Variants in SATB1 observed in about 807,000 individuals in gnomAD.
SATB1 encodes SATB homeobox 1, also known as DNA-binding protein SATB1.
In SATB1, 11 loss-of-function variants were observed where a neutral mutation model predicts 86.9. That is an observed-to-expected ratio of 0.13 (90% CI 0.08 to 0.21). The LOEUF (loss-of-function observed/expected upper bound fraction) is 0.21. Ranked by LOEUF, SATB1 falls within the 10% of genes least tolerant of loss-of-function variation. SATB1 has a pLI of 1.00. For missense variants in SATB1, 551 were observed against 937.6 expected, an observed-to-expected ratio of 0.59 and a Z score of 5.39; for synonymous variants, 357 against 357.2, an observed-to-expected ratio of 1.00 and a Z score of 0.01.
chr3:18,391,774 A>AC (rs1431031744), intron 7 of SATB1, among the ~76,000 whole-genome samples: 1 of 152,102 alleles, frequency 6.6e-6, no homozygotes, highest in African/African-American at 2.4e-5. Flanking sequence ...CCACACTCAC[A>AC]CCATACCCTC....
In SATB1 at chr3:18,345,659, T is replaced by A. The variant is rs992927711; in HGVS notation, c.*3511A>T. 6 of 152,162 alleles carry A rather than the reference T, an allele frequency of 3.9e-5. No homozygotes were observed. Among genetic ancestry groups the A allele is most frequent in the African/African-American group, 1.2e-4 (5 of 41,456 alleles). 9.4% of individuals were successfully genotyped at this position (152,162 alleles called of 1,614,324 possible). ...GAAGACTAGTATTGATATTTTCTGA[T>A]ATTTTAGATATGATTAATATTTTGG... On this transcript the variant is annotated 3_prime_UTR_variant, in exon 11 of 11. Transcript: ENST00000338745.
chr3:18,428,411 TC>T (rs1415764537), upstream of SATB1, among the ~76,000 whole-genome samples: 1 of 152,150 alleles, frequency 6.6e-6, no homozygotes, highest in Non-Finnish European at 1.5e-5. Flanking sequence ...AGGCCCCACC[TC>T]TCAGTATTGC....
intron 8 of SATB1, among the ~76,000 whole-genome samples, chr3:18,381,357 T>C (rs79335382): frequency 0.012 from 1,776 of 152,318 alleles, 32 homozygotes; most frequent in African/African-American, 0.041. Flanking sequence ...TAAAGTTATA[T>C]GTAGTTTTAA....
intron 5 of SATB1, chr3:18,408,585 T>TA (rs1277885659): frequency 3.3e-5 from 5 of 151,982 alleles, no homozygotes; most frequent in African/African-American, 1.2e-4. Context: ...AAGGCTCTCT[T>TA]ATGTTTTTCA....
At chr3:18,383,157 A>G (rs1222597879) in intron 8 of SATB1, among the ~76,000 whole-genome samples, 4 of 152,244 alleles carry the variant, frequency 2.6e-5, no homozygotes, top group African/African-American at 4.8e-5. Flanking sequence ...AGCACAGGGC[A>G]TAACTGTCCC....
intron 9 of SATB1, among the ~76,000 whole-genome samples, chr3:18,367,307 G>A (rs1695234422): frequency 6.6e-6 from 1 of 152,186 alleles, no homozygotes. Context: ...AGGCTACACT[G>A]CAAATGATAC....
At chr3:18,396,167 G>A (rs1411490115) in intron 6 of SATB1, among the ~76,000 whole-genome samples, 2 of 152,114 alleles carry the variant, frequency 1.3e-5, no homozygotes, top group Admixed American at 1.3e-4. Flanking sequence ...ATGATGCATT[G>A]TCTTCATTAC....
At chr3:18,378,524 T>C (rs1205888205) in intron 8 of SATB1, among the ~76,000 whole-genome samples, 199 bp from the exon 9 acceptor site, 1 of 152,168 alleles carries the variant, frequency 6.6e-6, no homozygotes, top group East Asian at 1.9e-4. Flanking sequence ...GGTGATTGCA[T>C]CTGTAATATG....
chr3:18,385,610 G>A (rs544165389), intron 8 of SATB1, among the ~76,000 whole-genome samples: 52 of 142,800 alleles, frequency 3.6e-4, no homozygotes, highest in African/African-American at 1.2e-3. Flanking sequence ...GTGACAGAGC[G>A]GCACTCCATC....
intron 8 of SATB1, 87 bp from the exon 9 acceptor site, chr3:18,378,412 G>A (rs1363491998): frequency 6.9e-6 from 9 of 1,296,486 alleles, no homozygotes; most frequent in Non-Finnish European, 8.7e-6. Flanking sequence ...ACTGGACACT[G>A]TTGTTCCTTT....
At chr3:18,420,282 T>A (rs1287182407) in intron 2 of SATB1, among the ~76,000 whole-genome samples, 2 of 152,222 alleles carry the variant, frequency 1.3e-5, no homozygotes, top group African/African-American at 2.4e-5. Context: ...ATGAATTTGC[T>A]CTTAAGAAAA....
At chr3:18,438,668 T>C (rs1699150906) in exon 1 of SATB1, 1 of 152,260 alleles carries the variant, frequency 6.6e-6, no homozygotes. Flanking sequence ...CTGGCACTGC[T>C]AGCAAGGCAG....
chr3:18,382,712 T>A (rs1696126590), intron 8 of SATB1, among the ~76,000 whole-genome samples: 1 of 152,200 alleles, frequency 6.6e-6, no homozygotes, highest in Non-Finnish European at 1.5e-5. Context: ...AACTGGATAA[T>A]TTGTCAAACA....
At chr3:18,350,444 G>A (rs1694293142) in intron 10 of SATB1, 1 of 152,156 alleles carries the variant, frequency 6.6e-6, no homozygotes, top group South Asian at 2.1e-4. Flanking sequence ...ATATGTATAT[G>A]TGCTACAATT....
In SATB1 at chr3:18,384,329, G is replaced by A. The variant is rs776072153; in HGVS notation, c.1419+2070C>T. 1.4e-3 allele frequency among the ~76,000 whole-genome samples: 219 copies of A among 152,092 alleles called. 2 individuals carry two copies. Among genetic ancestry groups the A allele is most frequent in the Non-Finnish European group, 5.4e-4 (37 of 68,006 alleles). ...CTTAATAAGAATTGGTATAACTTTA[G>A]CTCAAGAAAAAGCTTGATGAGTAAG... On this transcript the variant is annotated intron_variant, in intron 8 of 10. Coordinates refer to ENST00000338745, the MANE Select transcript of SATB1 (RefSeq NM_002971.6).
chr3:18,425,321 C>T lies in SATB1; in HGVS notation c.-1719G>A. 1 of 156,148 alleles carries T rather than the reference C, an allele frequency of 6.4e-6. No homozygotes were observed. Among genetic ancestry groups the T allele is most frequent in the Non-Finnish European group, 1.4e-5 (1 of 71,284 alleles). 9.7% of individuals were successfully genotyped at this position (156,148 alleles called of 1,614,324 possible). ...CGGCTCATCCGCCGCGTCCGGGGAACGGGAGCGAGCGAGAAAGTGGCGGCG... is the reference window on the plus strand; with the variant it reads ...CGGCTCATCCGCCGCGTCCGGGGAATGGGAGCGAGCGAGAAAGTGGCGGCG... On this transcript the variant is annotated 5_prime_UTR_variant, in exon 1 of 11. Transcript: ENST00000338745.
chr3:18,440,059 C>T (rs756341337), upstream of SATB1, among the ~76,000 whole-genome samples: 2 of 152,146 alleles, frequency 1.3e-5, no homozygotes, highest in Non-Finnish European at 2.9e-5. Context: ...CTTAAACATT[C>T]CATCTAAGAC....
intron 9 of SATB1, among the ~76,000 whole-genome samples, chr3:18,376,526 A>G (rs957172046): frequency 4.7e-5 from 7 of 149,502 alleles, no homozygotes; most frequent in Non-Finnish European, 7.4e-5. Flanking sequence ...TGATATCCTC[A>G]TCATAATTAG....
At chr3:18,405,579 A>G (rs1697487449) in intron 5 of SATB1, among the ~76,000 whole-genome samples, 1 of 152,000 alleles carries the variant, frequency 6.6e-6, no homozygotes, top group African/African-American at 2.4e-5. Flanking sequence ...AGCATATTAG[A>G]TTTTTAAGCC....
Sources: gnomAD v4.1 joint callset for allele counts (sites outside exome capture counted in the v4.1 genomes callset) on GRCh38, gnomAD v4.1.1 for gene constraint, MANE v1.5 for transcripts, NCBI Gene and HGNC (gene_info 2026-07-23, HGNC 2026-07-21) for gene names.